CGNL1: variants seen among roughly 807,000 people sequenced by gnomAD.
CGNL1 encodes the protein cingulin-like protein 1.
A neutral mutation model predicts 141.2 loss-of-function variants in CGNL1; 132 were observed. That is an observed-to-expected ratio of 0.93 (90% CI 0.81 to 1.08). The LOEUF is 1.08. Among genes scored for constraint, CGNL1 ranks in the 50% least tolerant of loss-of-function variants. The probability of loss-of-function intolerance (pLI) is 0.00; values close to 1 mark genes in which losing one functional copy is unlikely to be tolerated. For missense variants in CGNL1, 1,870 were observed against 1,588.6 expected (o/e 1.18, Z -3.01); for synonymous variants, 690 against 622.1 (o/e 1.11, Z -1.63).
chr15:57,442,364 C>T lies in CGNL1; in HGVS notation c.1698-9C>T. The T allele has an allele frequency of 6.3e-7, 1 of 1,587,634 alleles. No individual in the cohort carries two copies. The highest frequency in any genetic ancestry group is 8.6e-7 in the Non-Finnish European group (1 of 1,156,794). ...TCCCTCATTGTTTTCTCTGCTGTCCCTTTTTCAGAAGCACTGATAATGACG... is the reference window on the plus strand; with the variant it reads ...TCCCTCATTGTTTTCTCTGCTGTCCTTTTTTCAGAAGCACTGATAATGACG... On this transcript the variant is annotated splice_polypyrimidine_tract_variant and intron_variant, in intron 3 of 18. Transcript: ENST00000281282.
Position 57,433,495 on chromosome 15 carries a change from C to T in CGNL1, c.-15-4490C>T, listed in dbSNP as rs147935792. 2.0e-5 allele frequency among the ~76,000 whole-genome samples: 3 copies of T among 152,348 alleles called. No individual in the cohort carries two copies. The East Asian group carries it at 5.8e-4, about 29-fold the overall frequency. ...ATCCCCGGGCTGGCTGAGGGTTAGA[C>T]CCCTCCACCCAAAGTGCCCACATTG... On this transcript the variant is annotated intron_variant, in intron 1 of 18. Coordinates refer to ENST00000281282, the MANE Select transcript of CGNL1 (RefSeq NM_032866.5).
rs555800859 is a variant in CGNL1, at chr15:57,421,529, A to G, written c.-15-16456A>G. Among the ~76,000 whole-genome samples the G allele has an allele frequency of 2.6e-5, 4 of 152,270 alleles. No homozygotes were observed. In the South Asian group the frequency reaches 8.3e-4, roughly 32 times the overall value. ...AAGAGCTCCAGGTTAAGGGTCTGAC[A>G]AGACACTTTTGGCTAAAACAAGCGT... On this transcript the variant is annotated intron_variant, in intron 1 of 18. Transcript: ENST00000281282.
intron 8 of CGNL1, among the ~76,000 whole-genome samples, chr15:57,510,297 T>TC (rs1275408987): frequency 6.6e-6 from 1 of 152,200 alleles, no homozygotes; most frequent in Non-Finnish European, 1.5e-5. Flanking sequence ...TCATCCCCCT[T>TC]CTTCAGATAG....
chr15:57,381,826 G>C (rs2062428238), intron 1 of CGNL1, among the ~76,000 whole-genome samples: 1 of 152,110 alleles, frequency 6.6e-6, no homozygotes, highest in Admixed American at 6.5e-5. Flanking sequence ...AATCAGTTCA[G>C]ACCTAAAGAG....
At position 57,380,669 on chromosome 15, in the gene CGNL1, G is replaced by T. The variant is rs187726361; in HGVS notation, c.-16+4102G>T. On this transcript the variant is annotated intron_variant, in intron 1 of 18. Coordinates refer to ENST00000281282, the MANE Select transcript of CGNL1 (RefSeq NM_032866.5). ...GACTCCAGGAGCGAGAAGGGTGCAGGTATCCATCATGCAAAGGGGAGGTGG... is the reference window on the plus strand; with the variant it reads ...GACTCCAGGAGCGAGAAGGGTGCAGTTATCCATCATGCAAAGGGGAGGTGG... Among the ~76,000 whole-genome samples, 3 of 152,306 alleles carry T rather than the reference G, an allele frequency of 2.0e-5. No homozygotes were observed. The East Asian group carries it at 5.8e-4, about 29-fold the overall frequency.
At chr15:57,483,699 G>A (rs1321528101) in intron 8 of CGNL1, among the ~76,000 whole-genome samples, 3 of 151,990 alleles carry the variant, frequency 2.0e-5, no homozygotes, top group Non-Finnish European at 2.9e-5. Flanking sequence ...TCAGTCTTAG[G>A]GGGAGGTATT....
At chr15:57,439,626 G>A in intron 2 of CGNL1, 25 bp downstream of exon 2, 1 of 1,598,602 alleles carries the variant, frequency 6.3e-7, no homozygotes, top group East Asian at 2.2e-5. Flanking sequence ...ATTCCTGTTT[G>A]GTTTTTTTTC....
intron 1 of CGNL1, among the ~76,000 whole-genome samples, chr15:57,386,491 A>T (rs1220948450): frequency 1.3e-5 from 2 of 152,166 alleles, no homozygotes; most frequent in African/African-American, 4.8e-5. Context: ...TGTTACGGGC[A>T]TAGTAGGAGG....
chr15:57,481,228 A>C (rs559411072), intron 8 of CGNL1, among the ~76,000 whole-genome samples: 4 of 152,130 alleles, frequency 2.6e-5, no homozygotes, highest in Admixed American at 1.3e-4. Context: ...AATGTATTGC[A>C]AACTATAGTA....
intron 4 of CGNL1, among the ~76,000 whole-genome samples, chr15:57,448,500 T>A (rs1645721684): frequency 6.6e-6 from 1 of 151,852 alleles, no homozygotes; most frequent in South Asian, 2.1e-4. Context: ...AATACAAAAT[T>A]AACCAGGTGT....
chr15:57,453,557 A>G (rs975313307), intron 6 of CGNL1, 126 bp from the exon 7 acceptor site: 1 of 1,251,336 alleles, frequency 8.0e-7, no homozygotes, highest in Non-Finnish European at 1.1e-6. Context: ...TCAGTGCAGA[A>G]CAGAGAATGG....
In CGNL1 at chr15:57,441,191, T is replaced by G. The variant is rs1397703371; in HGVS notation, c.1697+720T>G. Among the ~76,000 whole-genome samples, 3 of 152,316 alleles carry G rather than the reference T, an allele frequency of 2.0e-5. No individual in the cohort carries two copies. In the East Asian group the frequency reaches 5.8e-4, roughly 29 times the overall value. On this transcript the variant is annotated intron_variant, in intron 3 of 18. Transcript: ENST00000281282. ...TTGTGCCTTACAATTATTTGTCAGT[T>G]TTAGAGCTAACAACATAGTAAGGCT... is the stretch of plus-strand genomic sequence containing the variant.
At chr15:57,532,580 A>G (rs1025384280) in intron 14 of CGNL1, among the ~76,000 whole-genome samples, 4 of 152,236 alleles carry the variant, frequency 2.6e-5, no homozygotes, top group Admixed American at 2.6e-4. Flanking sequence ...ATTGTCTCAC[A>G]GTGTTGTCAT....
chr15:57,399,737 C>T (rs1419209032), intron 1 of CGNL1, among the ~76,000 whole-genome samples: 1 of 152,054 alleles, frequency 6.6e-6, no homozygotes, highest in African/African-American at 2.4e-5. Flanking sequence ...AGTGCAGGGG[C>T]TCATGCCTGT....
At chr15:57,450,212 C>T (rs2063305339) in intron 4 of CGNL1, among the ~76,000 whole-genome samples, 1 of 152,152 alleles carries the variant, frequency 6.6e-6, no homozygotes, top group Non-Finnish European at 1.5e-5. Flanking sequence ...TCCTTGCCAC[C>T]ATTTGGTGTT....
chr15:57,475,020 T>C (rs1214806602), intron 8 of CGNL1, among the ~76,000 whole-genome samples: 1 of 152,206 alleles, frequency 6.6e-6, no homozygotes, highest in African/African-American at 2.4e-5. Context: ...TACCCAGGTC[T>C]GTGGCTTCCA....
chr15:57,531,347 A>G (rs1006234818), intron 13 of CGNL1, among the ~76,000 whole-genome samples: 3 of 152,194 alleles, frequency 2.0e-5, no homozygotes, highest in African/African-American at 7.2e-5. Flanking sequence ...GCTTGGGTAG[A>G]TCTGTTTAAA....
intron 1 of CGNL1, among the ~76,000 whole-genome samples, chr15:57,392,528 G>C (rs2062554676): frequency 1.3e-5 from 2 of 152,316 alleles, no homozygotes; most frequent in East Asian, 3.9e-4. Flanking sequence ...CAGCAAGAAA[G>C]TACATTCTGC....
chr15:57,417,941 T>C (rs1355636003), intron 1 of CGNL1, among the ~76,000 whole-genome samples: 1 of 152,202 alleles, frequency 6.6e-6, no homozygotes, highest in Non-Finnish European at 1.5e-5. Context: ...TTCAGCTAAG[T>C]GGCTCAGAGC....
Sources: allele counts gnomAD v4.1 joint callset (sites outside exome capture counted in the v4.1 genomes callset), GRCh38; gene constraint gnomAD v4.1.1; transcripts MANE v1.5; gene names NCBI Gene and HGNC (gene_info 2026-07-23, HGNC 2026-07-21).